DIP2B: variants seen among roughly 807,000 people sequenced by gnomAD.
DIP2B encodes DIP2 acetate--CoA ligase B (putative), also known as disco-interacting protein 2 homolog B.
A neutral mutation model predicts 198.0 loss-of-function variants in DIP2B; 76 were observed. That is an observed-to-expected ratio of 0.38 (90% CI 0.32 to 0.46). The LOEUF is 0.46. DIP2B is among the 20% of genes least tolerant of loss of function. The pLI is 0.99. For missense variants in DIP2B, 1,559 were observed against 1,978.4 expected (o/e 0.79, Z 4.02); for synonymous variants, 701 against 739.1 (o/e 0.95, Z 0.84).
At chr12:50,611,641 C>T (rs1426629073) in intron 1 of DIP2B, among the ~76,000 whole-genome samples, 2 of 152,098 alleles carry the variant, frequency 1.3e-5, no homozygotes, top group Admixed American at 6.6e-5. Context: ...ACCACTGCCT[C>T]CAGTGGTTTT....
chr12:50,661,344 T>A (rs1397358508), intron 4 of DIP2B, among the ~76,000 whole-genome samples: 1 of 152,186 alleles, frequency 6.6e-6, no homozygotes, highest in Non-Finnish European at 1.5e-5. Flanking sequence ...TGGTTGACTT[T>A]GATTCACAGC....
At chr12:50,716,958 C>CATTTTTTTTTTTTTTT (rs1939731569) in intron 23 of DIP2B, among the ~76,000 whole-genome samples, 1 of 58,924 alleles carries the variant, frequency 1.7e-5, no homozygotes, top group African/African-American at 6.2e-5. Context: ...CGAATTGTTG[C>CATTTTTTTTTTTTTTT]TTTTTTTTTT....
At position 50,723,279 on chromosome 12, in the gene DIP2B, C is replaced by G. The variant is rs1256003655; in HGVS notation, c.3244C>G (p.Gln1082Glu). The change falls in exon 27 of 38, where the codon CAG becomes GAG. Residue 1082 changes from glutamine to glutamate, a missense_variant. By Grantham distance (29) the Gln-to-Glu change is conservative. Transcript: ENST00000301180. ...IPVTVRPPHAQNLTATLPTVR... is the reference protein window; with the variant it reads ...IPVTVRPPHAENLTATLPTVR... The stretch of plus-strand genomic sequence containing the variant: ...TGTGACCGTCAGACCTCCACATGCT[C>G]AGAACCTCACGGCCACGCTGCCCAC... 1 of 1,614,066 alleles carries G rather than the reference C, an allele frequency of 6.2e-7. No individual in the cohort carries two copies. Among genetic ancestry groups the G allele is most frequent in the Non-Finnish European group, 8.5e-7 (1 of 1,180,044 alleles).
intron 1 of DIP2B, among the ~76,000 whole-genome samples, chr12:50,600,222 T>C (rs1958923095): frequency 6.6e-6 from 1 of 152,248 alleles, no homozygotes; most frequent in Non-Finnish European, 1.5e-5. Context: ...ACAGTTGATT[T>C]AGACATCTTT....
intron 1 of DIP2B, among the ~76,000 whole-genome samples, chr12:50,584,637 C>T (rs1216520554): frequency 6.6e-6 from 1 of 152,164 alleles, no homozygotes; most frequent in African/African-American, 2.4e-5. Context: ...GATCTCACCT[C>T]ACTACAACCT....
chr12:50,646,290 AT>A (rs1938349133), intron 3 of DIP2B, among the ~76,000 whole-genome samples: 1 of 150,814 alleles, frequency 6.6e-6, no homozygotes, highest in Admixed American at 6.6e-5. Flanking sequence ...CACCCAACTA[AT>A]TTTTGTATTT....
At chr12:50,656,355 C>T (rs1030759443) in intron 3 of DIP2B, among the ~76,000 whole-genome samples, 1 of 152,128 alleles carries the variant, frequency 6.6e-6, no homozygotes, top group African/African-American at 2.4e-5. Flanking sequence ...AAAAGTACCT[C>T]ATGAGCATGG....
Position 50,727,911 on chromosome 12 carries a change from A to G in DIP2B, c.3510+99A>G, listed in dbSNP as rs1939966284. 3 of 956,272 alleles carry G rather than the reference A, an allele frequency of 3.1e-6. No homozygotes were observed. In the Admixed American group the frequency reaches 6.2e-5, roughly 20 times the overall value. The allele number at this position is 956,272 out of a possible 1,614,324, so 59.2% of individuals were successfully genotyped here. ...CAGAGGCCAAGTGGTTGTACCAGAGACCGGTAGGCAGAGTGAAGATCTAAG... is the reference window on the plus strand; with the variant it reads ...CAGAGGCCAAGTGGTTGTACCAGAGGCCGGTAGGCAGAGTGAAGATCTAAG... On this transcript the variant is annotated intron_variant, in intron 29 of 37. Coordinates refer to ENST00000301180, the MANE Select transcript of DIP2B (RefSeq NM_173602.3).
In DIP2B at chr12:50,746,302, C is replaced by CT. The variant is rs1283669758; in HGVS notation, c.*1466dup. 1 of 152,194 alleles carries CT rather than the reference C, an allele frequency of 6.6e-6. No homozygotes were observed. Among genetic ancestry groups the CT allele is most frequent in the African/African-American group, 2.4e-5 (1 of 41,442 alleles). 9.4% of individuals were successfully genotyped at this position (152,194 alleles called of 1,614,324 possible). A position where few individuals can be genotyped will look rare whatever the true frequency, so the allele number is the denominator to read the frequency against. On this transcript the variant is annotated 3_prime_UTR_variant, in exon 38 of 38. Transcript: ENST00000301180. The stretch of plus-strand genomic sequence containing the variant: ...TAACTTGTCAAAGCAGAATGGTTCT[C>CT]TTTGACCCACTCTGGTCTATTGTGT...
At chr12:50,517,005 C>T (rs1053432797) in intron 1 of DIP2B, among the ~76,000 whole-genome samples, 56 of 151,772 alleles carry the variant, frequency 3.7e-4, no homozygotes, top group Admixed American at 1.3e-3. Context: ...CAAAATCCGC[C>T]TCCCGGGTTC....
intron 4 of DIP2B, among the ~76,000 whole-genome samples, chr12:50,669,368 T>C (rs1170644583): frequency 2.6e-5 from 4 of 152,138 alleles, no homozygotes. Flanking sequence ...AAATAATAAG[T>C]TGGAGGTAGT....
At chr12:50,659,058 G>T (rs1355541453) in intron 3 of DIP2B, among the ~76,000 whole-genome samples, 1 of 152,172 alleles carries the variant, frequency 6.6e-6, no homozygotes, top group Non-Finnish European at 1.5e-5. Context: ...CTGCACTCCA[G>T]CCTGGGCGAC....
At chr12:50,592,215 T>TC (rs1445486678) in intron 1 of DIP2B, among the ~76,000 whole-genome samples, 1 of 152,068 alleles carries the variant, frequency 6.6e-6, no homozygotes, top group Non-Finnish European at 1.5e-5. Flanking sequence ...CAGCCTGTTG[T>TC]CCAGGCTGGA....
intron 1 of DIP2B, among the ~76,000 whole-genome samples, chr12:50,562,891 G>A (rs961327796): frequency 6.6e-6 from 1 of 152,122 alleles, no homozygotes; most frequent in African/African-American, 2.4e-5. Flanking sequence ...TAATTTAGCT[G>A]TGTCAGTGCC....
chr12:50,735,045 A>G (rs766038086), intron 33 of DIP2B, 28 bp from the exon 34 acceptor site: 2 of 1,613,952 alleles, frequency 1.2e-6, no homozygotes, highest in East Asian at 2.2e-5. Flanking sequence ...TAAAAGCCCT[A>G]TATATAGTAA....
intron 37 of DIP2B, 89 bp from the exon 38 acceptor site, chr12:50,744,498 C>T (rs1052863716): frequency 4.1e-5 from 64 of 1,550,778 alleles, no homozygotes; most frequent in South Asian, 2.8e-4. Context: ...GGGGAGAAGG[C>T]GGGGAAATGG....
chr12:50,735,115 C>G lies in DIP2B; in HGVS notation c.4086C>G (p.Leu1362=), dbSNP rs772596741. The G allele has an allele frequency of 8.7e-6, 14 of 1,614,034 alleles. No individual in the cohort carries two copies. The highest frequency in any genetic ancestry group is 4.0e-5 in the African/African-American group (3 of 74,912). ...VERGAPQSLL[L]SESGKILPGV... is the part of the protein sequence containing the mutation. ...GTGGCGCCCCTCAGAGTTTGCTTCT[C>G]TCAGAGTCTGGAAAGGTAATTTGTT... Residue 1362 remains leucine (L), a synonymous_variant, in exon 34 of 38, where the codon CTC becomes CTG. Transcript: ENST00000301180.
intron 23 of DIP2B, 108 bp downstream of exon 23, chr12:50,714,704 C>A: frequency 7.3e-7 from 1 of 1,363,080 alleles, no homozygotes; most frequent in Non-Finnish European, 1.0e-6. Context: ...CTTTGGGAGG[C>A]CAAGGTGGGA....
At chr12:50,698,931 A>G in intron 18 of DIP2B, 135 bp from the exon 19 acceptor site, 1 of 925,432 alleles carries the variant, frequency 1.1e-6, no homozygotes, top group South Asian at 1.7e-5. Flanking sequence ...GTTTATGTTT[A>G]GCATTCCTGT....
Sources: allele counts gnomAD v4.1 joint callset (sites outside exome capture counted in the v4.1 genomes callset), GRCh38; gene constraint gnomAD v4.1.1; transcripts MANE v1.5; gene names NCBI Gene and HGNC (gene_info 2026-07-23, HGNC 2026-07-21).